Variants in DMD observed in about 807,000 individuals in gnomAD.
The protein encoded by DMD is mutant dystrophin.
DMD carries 63 observed loss-of-function variants against 330.1 expected under a neutral mutation model. The observed-to-expected ratio is 0.19, with a 90% CI of 0.16 to 0.24. The LOEUF is 0.24. DMD is among the 10% of genes least tolerant of loss of function. The pLI, the probability that DMD is intolerant of heterozygous loss-of-function variation, is 1.00. For missense variants in DMD, 3,344 were observed against 2,684.1 expected (o/e 1.25, Z -5.43); for synonymous variants, 1,223 against 959.8 (o/e 1.27, Z -5.07).
intron 7 of DMD, among the ~76,000 whole-genome samples, chrX:32,783,975 G>C (rs1349792898): frequency 1.1e-5 from 1 of 91,768 alleles, no homozygotes; most frequent in Non-Finnish European, 2.1e-5. Flanking sequence ...ATTAATGTCA[G>C]TGCAGACATG....
chrX:31,852,388 G>A (rs891900816), intron 48 of DMD, among the ~76,000 whole-genome samples: 2 of 111,761 alleles, frequency 1.8e-5, no homozygotes, highest in African/African-American at 6.5e-5. Context: ...CTCTGGTCTG[G>A]TTTAATAGCA....
intron 50 of DMD, among the ~76,000 whole-genome samples, chrX:31,806,707 TG>T (rs747239588): frequency 2.5e-4 from 28 of 112,601 alleles, no homozygotes; most frequent in African/African-American, 7.4e-4. Flanking sequence ...CTTGCATCCA[TG>T]GCCTTGCTCA....
intron 2 of DMD, among the ~76,000 whole-genome samples, chrX:32,938,123 A>G (rs1485962514): frequency 9.0e-6 from 1 of 111,516 alleles, no homozygotes; most frequent in Admixed American, 9.6e-5. Context: ...TGCGAAAACT[A>G]CTGATCTTTC....
At chrX:32,413,219 C>G (rs994278994) in intron 29 of DMD, among the ~76,000 whole-genome samples, 1 of 110,882 alleles carries the variant, frequency 9.0e-6, no homozygotes, top group Non-Finnish European at 1.9e-5. Context: ...TTATCTCACC[C>G]TATTGGACAT....
chrX:33,031,003 A>C (rs899796414), intron 1 of DMD, among the ~76,000 whole-genome samples: 1 of 111,625 alleles, frequency 9.0e-6, no homozygotes, highest in African/African-American at 3.3e-5. Context: ...TATTTACTCA[A>C]CTTACACTAT....
intron 67 of DMD, among the ~76,000 whole-genome samples, chrX:31,201,123 C>T (rs187513146): frequency 6.6e-5 from 7 of 106,789 alleles, no homozygotes; most frequent in Admixed American, 2.0e-4. Context: ...CCCAAGAGCT[C>T]GAGACCAGCC....
At chrX:32,702,119 A>G (rs2064192382) in intron 7 of DMD, among the ~76,000 whole-genome samples, 1 of 112,245 alleles carries the variant, frequency 8.9e-6, no homozygotes, top group African/African-American at 3.2e-5. Context: ...TGGATTATCC[A>G]GGAAATTTGA....
chrX:33,042,175 T>C (rs1336202594), intron 1 of DMD, among the ~76,000 whole-genome samples: 1 of 111,985 alleles, frequency 8.9e-6, no homozygotes, highest in Non-Finnish European at 1.9e-5. Context: ...CTCTGCTATA[T>C]GACTAAACAC....
chrX:33,328,853 A>G (rs183715321), intron 1 of DMD, among the ~76,000 whole-genome samples: 19 of 111,596 alleles, frequency 1.7e-4, no homozygotes, highest in African/African-American at 5.5e-4. Flanking sequence ...ATATTCTTTA[A>G]TGGTCTCCGG....
chrX:32,229,311 A>T (rs894373508), intron 43 of DMD, among the ~76,000 whole-genome samples: 7 of 110,463 alleles, frequency 6.3e-5, no homozygotes, highest in African/African-American at 2.3e-4. Flanking sequence ...TCAAAATAAC[A>T]TATTTCTAGA....
At chrX:32,306,523 T>C (rs1372209625) in intron 42 of DMD, among the ~76,000 whole-genome samples, 3 of 111,606 alleles carry the variant, frequency 2.7e-5, no homozygotes, top group African/African-American at 6.5e-5. Context: ...ACCCTCTTGG[T>C]TACCCAAAGT....
At chrX:31,612,455 C>T in intron 55 of DMD, among the ~76,000 whole-genome samples, 1 of 111,449 alleles carries the variant, frequency 9.0e-6, no homozygotes. Flanking sequence ...TAGACAGAGC[C>T]TGGAGGCCGG....
At chrX:32,647,248 C>T (rs1054269236) in intron 9 of DMD, among the ~76,000 whole-genome samples, 7 of 111,590 alleles carry the variant, frequency 6.3e-5, no homozygotes, top group Non-Finnish European at 5.6e-5. Flanking sequence ...GATGCACATG[C>T]GCAGAGGAGA....
intron 51 of DMD, among the ~76,000 whole-genome samples, chrX:31,752,811 C>G (rs755226968): frequency 4.3e-4 from 48 of 111,412 alleles, no homozygotes; most frequent in Non-Finnish European, 8.5e-4. Context: ...CCTCCACACC[C>G]ACTCATAAAC....
chrX:31,811,319 G>A (rs780857848), intron 50 of DMD, among the ~76,000 whole-genome samples: 1 of 111,974 alleles, frequency 8.9e-6, no homozygotes, highest in African/African-American at 3.2e-5. Context: ...GAAGGACCTG[G>A]CCTGGGACCA....
intron 52 of DMD, among the ~76,000 whole-genome samples, chrX:31,725,604 G>A (rs958086532): frequency 8.9e-6 from 1 of 112,040 alleles, no homozygotes; most frequent in African/African-American, 3.2e-5. Context: ...ATTTTACAGA[G>A]AAGGAAACTA....
At chrX:32,023,298 TG>T (rs1438545588) in intron 44 of DMD, among the ~76,000 whole-genome samples, 3 of 111,068 alleles carry the variant, frequency 2.7e-5, no homozygotes, top group South Asian at 3.8e-4. Context: ...ATCTAAGACC[TG>T]GGGGGTATTA....
At chrX:33,142,115 C>A (rs1483326628) in intron 1 of DMD, among the ~76,000 whole-genome samples, 1 of 112,203 alleles carries the variant, frequency 8.9e-6, no homozygotes, top group Non-Finnish European at 1.9e-5. Flanking sequence ...GATGGAGTTT[C>A]ACTCTTGTTG....
At chrX:32,292,838 G>A (rs997335702) in intron 42 of DMD, among the ~76,000 whole-genome samples, 2 of 112,295 alleles carry the variant, frequency 1.8e-5, no homozygotes, top group Non-Finnish European at 3.8e-5. Context: ...AGAGGCAGGT[G>A]AGACTACAGA....
Sources: allele counts gnomAD v4.1 joint callset (sites outside exome capture counted in the v4.1 genomes callset), GRCh38; gene constraint gnomAD v4.1.1; transcripts MANE v1.5; gene names NCBI Gene and HGNC (gene_info 2026-07-23, HGNC 2026-07-21).